The following NKD1 variants were observed in gnomAD, a reference collection of about 807,000 sequenced individuals.
NKD1 encodes protein naked cuticle homolog 1.
NKD1 carries 21 observed loss-of-function variants against 56.0 expected under a neutral mutation model. The observed-to-expected ratio is 0.38, with a 90% confidence interval of 0.27 to 0.54. NKD1 has a LOEUF of 0.54. Among genes scored for constraint, NKD1 ranks in the 20% least tolerant of loss-of-function variants. The pLI is 0.82. For synonymous variants in NKD1, 263 were observed against 265.7 expected, an observed-to-expected ratio of 0.99 and a Z score of 0.10; for missense variants, 578 against 642.7, an observed-to-expected ratio of 0.90 and a Z score of 1.09.
intron 6 of NKD1, 78 bp downstream of exon 6, chr16:50,625,658 CA>C: frequency 1.1e-6 from 1 of 877,508 alleles, no homozygotes; most frequent in Non-Finnish European, 1.9e-6. Context: ...CTGCCACTGC[CA>C]CTTCTCTCCC....
rs556076794 is a variant in NKD1, at chr16:50,613,865, A to G, written c.259+5505A>G. 2.6e-5 allele frequency among the ~76,000 whole-genome samples: 4 copies of G among 152,276 alleles called. No homozygotes were observed. The East Asian group carries it at 7.7e-4, about 29-fold the overall frequency. ...CCTCCCTGAACAGATGTTTCGTCTCAATCCTGTTCAGATGTCAAAGCCGAG... is the reference window on the plus strand; with the variant it reads ...CCTCCCTGAACAGATGTTTCGTCTCGATCCTGTTCAGATGTCAAAGCCGAG... On this transcript the variant is annotated intron_variant, in intron 4 of 9. Coordinates refer to ENST00000268459, the MANE Select transcript of NKD1 (RefSeq NM_033119.5).
intron 3 of NKD1, among the ~76,000 whole-genome samples, chr16:50,597,893 C>A (rs1443652534): frequency 1.3e-5 from 2 of 152,168 alleles, no homozygotes; most frequent in African/African-American, 4.8e-5. Context: ...GCCAGTGTGA[C>A]CCTCTTGATT....
intron 3 of NKD1, 55 bp downstream of exon 3, chr16:50,549,610 G>A: frequency 1.3e-6 from 2 of 1,492,324 alleles, no homozygotes; most frequent in South Asian, 2.7e-5. Context: ...CTCAGAGATG[G>A]GTCCCCAAAC....
At position 50,637,207 on chromosome 16, in the gene NKD1, G is replaced by A. The variant is rs966348922; in HGVS notation, c.*3426G>A. The A allele has an allele frequency of 7.2e-5, 11 of 152,340 alleles. No individual in the cohort carries two copies. The highest frequency in any genetic ancestry group is 2.2e-4 in the African/African-American group (9 of 41,560). The allele number at this position is 152,340 out of a possible 1,614,324, so 9.4% of individuals were successfully genotyped here. A position where few individuals can be genotyped will look rare whatever the true frequency, so the allele number is the denominator to read the frequency against. Reference sequence around the variant, plus strand: ...AACACAGGCGACAGAAAGTTTCCACGTGGAACTGCAGAGTTCAAGAGCAAG... The same window carrying A: ...AACACAGGCGACAGAAAGTTTCCACATGGAACTGCAGAGTTCAAGAGCAAG... On this transcript the variant is annotated 3_prime_UTR_variant, in exon 10 of 10. Coordinates refer to ENST00000268459, the MANE Select transcript of NKD1 (RefSeq NM_033119.5).
intron 3 of NKD1, among the ~76,000 whole-genome samples, chr16:50,568,231 T>C (rs979461174): frequency 1.3e-5 from 2 of 152,176 alleles, no homozygotes; most frequent in Admixed American, 1.3e-4. Flanking sequence ...ATTTGGGGCT[T>C]ATTTTGCAAG....
At chr16:50,581,351 T>C (rs576940532) in intron 3 of NKD1, among the ~76,000 whole-genome samples, 1 of 152,358 alleles carries the variant, frequency 6.6e-6, no homozygotes, top group South Asian at 2.1e-4. Flanking sequence ...TATGGAGTTT[T>C]CGTATTACTC....
intron 3 of NKD1, among the ~76,000 whole-genome samples, chr16:50,592,556 G>C (rs1961390990): frequency 6.6e-6 from 1 of 152,204 alleles, no homozygotes; most frequent in Admixed American, 6.5e-5. Flanking sequence ...TAATGAGGGA[G>C]AAATGTACGG....
chr16:50,571,620 C>A, intron 3 of NKD1: 1 of 718,906 alleles, frequency 1.4e-6, no homozygotes, highest in Non-Finnish European at 1.7e-6. Flanking sequence ...TCCTCCCCTT[C>A]CTTCCCTGCA....
At chr16:50,626,708 C>G (rs749241983) in intron 6 of NKD1, among the ~76,000 whole-genome samples, 2 of 152,220 alleles carry the variant, frequency 1.3e-5, no homozygotes, top group African/African-American at 2.4e-5. Context: ...TGGTATCCTT[C>G]CTTACACTTC....
At chr16:50,602,201 G>A (rs762943208) in intron 3 of NKD1, among the ~76,000 whole-genome samples, 1 of 152,144 alleles carries the variant, frequency 6.6e-6, no homozygotes, top group African/African-American at 2.4e-5. Context: ...GCAGGGGAGA[G>A]GTATATGTGA....
intron 4 of NKD1, among the ~76,000 whole-genome samples, chr16:50,613,221 G>A (rs778398677): frequency 6.6e-6 from 1 of 152,128 alleles, no homozygotes; most frequent in East Asian, 1.9e-4. Flanking sequence ...GAGAGGTACC[G>A]AGGAGGCCGT....
chr16:50,559,136 G>T (rs564860409), intron 3 of NKD1, among the ~76,000 whole-genome samples: 1 of 152,334 alleles, frequency 6.6e-6, no homozygotes, highest in South Asian at 2.1e-4. Context: ...AATGGGTAGA[G>T]TAATGGTTCC....
chr16:50,571,934 G>A (rs1237922522), intron 3 of NKD1, among the ~76,000 whole-genome samples: 3 of 151,970 alleles, frequency 2.0e-5, no homozygotes, highest in Admixed American at 6.6e-5. Flanking sequence ...TCTCATCCCC[G>A]GCCGCCCTTC....
chr16:50,588,903 C>G (rs924393339), intron 3 of NKD1, among the ~76,000 whole-genome samples: 1 of 152,054 alleles, frequency 6.6e-6, no homozygotes, highest in Non-Finnish European at 1.5e-5. Flanking sequence ...CATGCCTGGC[C>G]TCATATTTCT....
chr16:50,580,726 T>C (rs1961099266), intron 3 of NKD1, among the ~76,000 whole-genome samples: 2 of 152,190 alleles, frequency 1.3e-5, no homozygotes, highest in Non-Finnish European at 2.9e-5. Context: ...TTTTTAAAAA[T>C]TGGAAAAGCT....
At chr16:50,589,669 G>A (rs972326788) in intron 3 of NKD1, among the ~76,000 whole-genome samples, 1 of 151,522 alleles carries the variant, frequency 6.6e-6, no homozygotes, top group African/African-American at 2.4e-5. Flanking sequence ...CATGTTGGAG[G>A]CCTTTGCTGA....
chr16:50,624,964 T>G (rs1282225615), intron 5 of NKD1, among the ~76,000 whole-genome samples: 1 of 152,120 alleles, frequency 6.6e-6, no homozygotes, highest in Non-Finnish European at 1.5e-5. Context: ...GAGGCTGTCA[T>G]TTTCCATAAT....
chr16:50,625,535 C>A lies in NKD1; in HGVS notation c.417C>A (p.Thr139=). 1 of 1,613,944 alleles carries A rather than the reference C, an allele frequency of 6.2e-7. No individual in the cohort carries two copies. The highest frequency in any genetic ancestry group is 1.3e-5 in the African/African-American group (1 of 75,080). ...SMEEDSRQEW[T]FTLYDFDNNG... The stretch of plus-strand genomic sequence containing the variant: ...AGGAGGACAGCCGGCAGGAGTGGAC[C>A]TTCACCCTGTATGACTTTGACAACA... Residue 139 remains threonine (T), a synonymous_variant, in exon 6 of 10, where the codon ACC becomes ACA. Transcript: ENST00000268459.
chr16:50,630,761 G>T, intron 7 of NKD1, 65 bp from the exon 8 acceptor site: 1 of 1,413,108 alleles, frequency 7.1e-7, no homozygotes, highest in Non-Finnish European at 9.6e-7. Flanking sequence ...ACGCCAGGCA[G>T]CCCTGGGGAG....
Sources: allele counts gnomAD v4.1 joint callset (sites outside exome capture counted in the v4.1 genomes callset), GRCh38; gene constraint gnomAD v4.1.1; transcripts MANE v1.5; gene names NCBI Gene and HGNC (gene_info 2026-07-23, HGNC 2026-07-21).